Variants in OVCH2 observed in about 807,000 individuals in gnomAD.
OVCH2 encodes ovochymase 2, also known as ovochymase-2.
OVCH2 carries 88 observed loss-of-function variants against 73.7 expected under a neutral mutation model. The ratio of observed to expected loss-of-function variants is 1.19; its 90% CI spans 1.01 to 1.43. OVCH2 has a LOEUF of 1.43. Ranked by LOEUF, OVCH2 falls within the 40% of genes most tolerant of loss-of-function variation. OVCH2 has a pLI of 0.00. For missense variants in OVCH2, 706 were observed against 674.5 expected, an observed-to-expected ratio of 1.05 and a Z score of -0.52; for synonymous variants, 265 against 234.5, an observed-to-expected ratio of 1.13 and a Z score of -1.19.
intron 8 of OVCH2, 119 bp from the exon 9 acceptor site, chr11:7,696,918 T>C: frequency 1.1e-6 from 1 of 888,096 alleles, no homozygotes; most frequent in Non-Finnish European, 1.7e-6. Context: ...TCTTCGTTCT[T>C]CATGAAATCT....
rs1856343703 is a variant in OVCH2, at chr11:7,696,757, C to T, written c.968G>A (p.Gly323Glu). Reference protein sequence around the residue: ...EQDVIVSGAEGKLHFPESLHL... With the variant: ...EQDVIVSGAEEKLHFPESLHL... ...GAGGCTTTCTGGGAAGTGCAGCTTC[C>T]CCTCAGCCCCGCTGACTATGACATC... is the stretch of plus-strand genomic sequence containing the variant. The change falls in exon 9 of 16, where the codon GGG becomes GAG. Residue 323 changes from glycine (G) to glutamate (E), a missense_variant. By Grantham distance (98) the Gly-to-Glu change is moderately conservative. Coordinates refer to ENST00000533663, the MANE Select transcript of OVCH2 (RefSeq NM_198185.7). 9.3e-6 allele frequency: 15 copies of T among 1,612,174 alleles called. No individual in the cohort carries two copies. The highest frequency in any genetic ancestry group is 2.7e-5 in the African/African-American group (2 of 74,878).
chr11:7,694,983 C>A, intron 12 of OVCH2, 75 bp downstream of exon 12: 2 of 1,477,572 alleles, frequency 1.4e-6, no homozygotes, highest in South Asian at 1.3e-5. Context: ...CAGATAAAAC[C>A]TCTGACCTCA....
chr11:7,699,616 G>A (rs762780155), intron 7 of OVCH2: 1 of 152,016 alleles, frequency 6.6e-6, no homozygotes, highest in Non-Finnish European at 1.5e-5. Flanking sequence ...TCCACAGTTG[G>A]TTGAATCTGC....
intron 1 of OVCH2, 32 bp from the exon 2 acceptor site, chr11:7,704,706 A>G (rs1049713029): frequency 1.4e-6 from 2 of 1,443,966 alleles, no homozygotes; most frequent in Non-Finnish European, 1.9e-6. Context: ...CTAAATGATT[A>G]GATAGCTTCT....
rs746052734 is a variant in OVCH2, at chr11:7,702,201, TC to T, written c.418del (p.Asp140ThrfsTer7). On this transcript the variant is annotated frameshift_variant, in exon 4 of 16. Transcript: ENST00000533663. LOFTEE classifies it high-confidence loss of function. ...HPHFSTKKPM[D>X]YDIALLKMAG... ...CATCTTCAAAAGGGCAATATCATAGTCCATTGGTTTCTTGGTGGAGAAATGT... is the reference window on the plus strand; with the variant it reads ...CATCTTCAAAAGGGCAATATCATAGTCATTGGTTTCTTGGTGGAGAAATGT... 6.2e-7 allele frequency: 1 copy of T among 1,612,630 alleles called. No homozygotes were observed. The highest frequency in any genetic ancestry group is 1.7e-5 in the Admixed American group (1 of 59,630).
Position 7,701,321 on chromosome 11 carries a change from C to A in OVCH2, c.711+3G>T. 6.2e-7 allele frequency: 1 copy of A among 1,609,814 alleles called. No homozygotes were observed. Among genetic ancestry groups the A allele is most frequent in the Non-Finnish European group, 8.5e-7 (1 of 1,178,696 alleles). ...GCCTGACAGCCCCGCAGCTCCCACC[C>A]ACCTGACATGCGTCTCTCCCTCCAT... On this transcript the variant is annotated splice_donor_region_variant and intron_variant, in intron 6 of 15. Coordinates refer to ENST00000533663, the MANE Select transcript of OVCH2 (RefSeq NM_198185.7).
chr11:7,690,028 G>T lies in OVCH2; in HGVS notation c.1640-15C>A, dbSNP rs1030501553. 5 of 1,461,752 alleles carry T rather than the reference G, an allele frequency of 3.4e-6. No individual in the cohort carries two copies. Among genetic ancestry groups the T allele is most frequent in the Admixed American group, 2.0e-5 (1 of 50,410 alleles). The allele number at this position is 1,461,752 out of a possible 1,614,324, so 90.5% of individuals were successfully genotyped here. ...ATCTGGGTATACTGGGTATAAGTAT[G>T]ATACAATTACTCAGTTTCCACAAAG... On this transcript the variant is annotated splice_polypyrimidine_tract_variant and intron_variant, in intron 14 of 15. Coordinates refer to ENST00000533663, the MANE Select transcript of OVCH2 (RefSeq NM_198185.7).
In OVCH2 at chr11:7,691,349, A is replaced by T. The variant is rs532498166; in HGVS notation, c.1559T>A (p.Ile520Asn). The T allele has an allele frequency of 1.2e-6, 2 of 1,613,886 alleles. No homozygotes were observed. The highest frequency in any genetic ancestry group is 1.7e-6 in the Non-Finnish European group (2 of 1,179,844). ...ATCTGATTGGAAGCTGATGAGCATG[A>T]TGCTGGAGGGGCTCAGCACAGGGGT... is the stretch of plus-strand genomic sequence containing the variant. ...VPTPVLSPSS[I>N]MLISFQSDEN... Residue 520 changes from isoleucine to asparagine, a missense_variant, in exon 14 of 16, where the codon ATC becomes AAC. Physicochemically the swap from Ile to Asn is moderately radical, Grantham distance 149. Transcript: ENST00000533663.
chr11:7,703,454 A>T (rs917254898), intron 3 of OVCH2, among the ~76,000 whole-genome samples: 1 of 152,166 alleles, frequency 6.6e-6, no homozygotes, highest in African/African-American at 2.4e-5. Context: ...CTTGGATGCT[A>T]TTATTAACTT....
chr11:7,702,894 C>T (rs376282497), intron 3 of OVCH2, among the ~76,000 whole-genome samples: 3 of 152,258 alleles, frequency 2.0e-5, no homozygotes, highest in African/African-American at 7.2e-5. Context: ...TGCTTCTATA[C>T]AAAATTGAAA....
Position 7,691,946 on chromosome 11 carries a change from T to C in OVCH2, c.1463A>G (p.Asp488Gly). Residue 488 changes from aspartate (D) to glycine (G), a missense_variant, in exon 13 of 16, where the codon GAC (aspartate) becomes GGC (glycine). Physicochemically the swap from Asp to Gly is moderately conservative, Grantham distance 94. Transcript: ENST00000533663. Reference sequence around the variant, plus strand: ...TACATCGCTGTGCACTGTCACATAGTCGGAAGTGCAGTCTCCACTTTCTTC... The same window carrying C: ...TACATCGCTGTGCACTGTCACATAGCCGGAAGTGCAGTCTCCACTTTCTTC... Reference protein sequence around the residue: ...EIEESGDCTSDYVTVHSDVER... With the variant: ...EIEESGDCTSGYVTVHSDVER... 1 of 1,578,754 alleles carries C rather than the reference T, an allele frequency of 6.3e-7. No individual in the cohort carries two copies. The highest frequency in any genetic ancestry group is 8.6e-7 in the Non-Finnish European group (1 of 1,160,670).
At chr11:7,695,944 T>C (rs4132089) in intron 10 of OVCH2, among the ~76,000 whole-genome samples, 99,347 of 152,162 alleles carry the variant, frequency 0.65, 33,303 homozygotes, top group East Asian at 0.91. Flanking sequence ...ATTCCTGCCC[T>C]TGTGACAACT....
chr11:7,690,619 G>A (rs911513989), intron 14 of OVCH2, among the ~76,000 whole-genome samples: 1 of 151,954 alleles, frequency 6.6e-6, no homozygotes, highest in Non-Finnish European at 1.5e-5. Context: ...TACTCATGTT[G>A]TCCTCAGGAT....
chr11:7,694,524 C>T (rs1469641199), intron 12 of OVCH2, among the ~76,000 whole-genome samples: 1 of 152,180 alleles, frequency 6.6e-6, no homozygotes, highest in Non-Finnish European at 1.5e-5. Flanking sequence ...TTATCTATAA[C>T]TTACAATGTG....
chr11:7,701,630 T>C (rs1316015148), intron 5 of OVCH2, 86 bp downstream of exon 5: 1 of 1,488,280 alleles, frequency 6.7e-7, no homozygotes, highest in African/African-American at 1.4e-5. Context: ...AATCGATTTT[T>C]AAAAATGGAT....
At chr11:7,703,663 G>C in intron 3 of OVCH2, 35 bp downstream of exon 3, 1 of 1,485,952 alleles carries the variant, frequency 6.7e-7, no homozygotes, top group Non-Finnish European at 9.1e-7. Context: ...AGAAATGGTG[G>C]TGTGGTCTTC....
chr11:7,682,200 A>T, the OVCH2 span, among the ~76,000 whole-genome samples: 1 of 152,218 alleles, frequency 6.6e-6, no homozygotes, highest in African/African-American at 2.4e-5. Context: ...GAGAAGAAAA[A>T]ATCTCGGAAA....
the OVCH2 span, among the ~76,000 whole-genome samples, chr11:7,680,921 G>C: frequency 5.3e-5 from 8 of 152,170 alleles, 1 homozygote; most frequent in Non-Finnish European, 1.0e-4. Context: ...TCCCCCAAGG[G>C]AGGAGCCCCC....
At chr11:7,704,353 C>T (rs1374289803) in intron 2 of OVCH2, among the ~76,000 whole-genome samples, 1 of 152,134 alleles carries the variant, frequency 6.6e-6, no homozygotes, top group East Asian at 1.9e-4. Flanking sequence ...TTTTGCTTAT[C>T]CTATTTGTGA....
Sources: gnomAD v4.1 joint callset for allele counts (sites outside exome capture counted in the v4.1 genomes callset) on GRCh38, gnomAD v4.1.1 for gene constraint, MANE v1.5 for transcripts, NCBI Gene and HGNC (gene_info 2026-07-23, HGNC 2026-07-21) for gene names.